Variants in EIF2B3 observed in about 807,000 individuals in gnomAD.
The protein encoded by EIF2B3 is eukaryotic translation initiation factor 2B subunit gamma.
Under a neutral mutation model 54.1 loss-of-function variants are expected in EIF2B3, and 20 were observed. The observed-to-expected ratio is 0.37, with a 90% CI of 0.26 to 0.54. The LOEUF (loss-of-function observed/expected upper bound fraction) is 0.54, where lower values mean the gene tolerates loss of function less well. EIF2B3 is among the 20% of genes least tolerant of loss of function. The probability of loss-of-function intolerance (pLI) is 0.86; values close to 1 mark genes in which losing one functional copy is unlikely to be tolerated. For synonymous variants in EIF2B3, 153 were observed against 188.1 expected, an observed-to-expected ratio of 0.81 and a Z score of 1.52; for missense variants, 448 against 547.8, an observed-to-expected ratio of 0.82 and a Z score of 1.82.
chr1:44,966,642 ACTCTT>A (rs2148957521), intron 3 of EIF2B3, among the ~76,000 whole-genome samples: 1 of 152,200 alleles, frequency 6.6e-6, no homozygotes, highest in African/African-American at 2.4e-5. Flanking sequence ...ATTCTGACTC[ACTCTT>A]CTCTTCTGAA....
At chr1:44,876,683 C>A (rs188710918) in intron 8 of EIF2B3, among the ~76,000 whole-genome samples, 3 of 119,760 alleles carry the variant, frequency 2.5e-5, no homozygotes, top group Non-Finnish European at 3.4e-5. Context: ...CCACGACCCC[C>A]TCTGGGAGGT....
intron 8 of EIF2B3, among the ~76,000 whole-genome samples, chr1:44,876,342 C>T (rs1156278557): frequency 2.1e-5 from 3 of 144,370 alleles, no homozygotes; most frequent in African/African-American, 5.3e-5. Context: ...ATGTGGGGAG[C>T]GCCTCTGCCC....
intron 5 of EIF2B3, among the ~76,000 whole-genome samples, chr1:44,912,219 T>C (rs1304874702): frequency 6.6e-6 from 1 of 152,204 alleles, no homozygotes; most frequent in Non-Finnish European, 1.5e-5. Flanking sequence ...CATCAGTGCT[T>C]GATGGATGCA....
intron 2 of EIF2B3, 132 bp downstream of exon 2, chr1:44,980,889 A>G: frequency 1.0e-5 from 11 of 1,088,448 alleles, no homozygotes; most frequent in Non-Finnish European, 1.4e-5. Context: ...GTACTCCTAC[A>G]TTCCTTAAAG....
At chr1:44,895,340 C>T (rs961757936) in intron 6 of EIF2B3, among the ~76,000 whole-genome samples, 1 of 152,026 alleles carries the variant, frequency 6.6e-6, no homozygotes, top group Non-Finnish European at 1.5e-5. Flanking sequence ...TGGTAGTGGC[C>T]AAATGAACTA....
At chr1:44,871,978 T>C (rs1253181353) in intron 10 of EIF2B3, among the ~76,000 whole-genome samples, 1 of 150,926 alleles carries the variant, frequency 6.6e-6, no homozygotes, top group Non-Finnish European at 1.5e-5. Context: ...CTGGGCTCAG[T>C]TGATCCTCCC....
chr1:44,956,966 T>C (rs1379531143), intron 3 of EIF2B3, among the ~76,000 whole-genome samples: 3 of 152,290 alleles, frequency 2.0e-5, no homozygotes, highest in Admixed American at 1.3e-4. Flanking sequence ...TTTGACTACA[T>C]AAATATAAAA....
At chr1:44,932,893 A>G (rs1643909985) in intron 4 of EIF2B3, among the ~76,000 whole-genome samples, 1 of 152,220 alleles carries the variant, frequency 6.6e-6, no homozygotes, top group African/African-American at 2.4e-5. Context: ...ACTTCTCACA[A>G]TCTGTACCTC....
rs140205629 is a variant in EIF2B3 at position 44,960,366 on chromosome 1, G to A, written c.294+17949C>T. 9.9e-3 allele frequency among the ~76,000 whole-genome samples: 1,507 copies of A among 152,190 alleles called. 25 individuals are homozygous for A. Among genetic ancestry groups the A allele is most frequent in the African/African-American group, 0.034 (1,426 of 41,538 alleles). The stretch of plus-strand genomic sequence containing the variant: ...TTTAAAAACCAATACTGGGCCGGGC[G>A]TGGTGGCTCACATCTGTAATCCCAG... On this transcript the variant is annotated intron_variant, in intron 3 of 11. Transcript: ENST00000360403.
chr1:44,897,334 C>A, intron 6 of EIF2B3, 21 bp downstream of exon 6: 1 of 1,582,904 alleles, frequency 6.3e-7, no homozygotes, highest in Non-Finnish European at 8.7e-7. Flanking sequence ...GTAGGTTTGA[C>A]TCTACCACCC....
chr1:44,875,151 C>T (rs1655080465), intron 9 of EIF2B3, among the ~76,000 whole-genome samples: 1 of 152,014 alleles, frequency 6.6e-6, no homozygotes, highest in Non-Finnish European at 1.5e-5. Flanking sequence ...CAGATTGTGC[C>T]ACTGCACTCC....
At chr1:44,872,591 A>G (rs560717546) in intron 10 of EIF2B3, among the ~76,000 whole-genome samples, 23 of 152,084 alleles carry the variant, frequency 1.5e-4, no homozygotes, top group African/African-American at 5.3e-4. Context: ...TTGAGGTTGT[A>G]GTGAGCTATG....
chr1:44,876,361 CGTCTG>C (rs1655146800), intron 8 of EIF2B3, among the ~76,000 whole-genome samples: 1 of 145,728 alleles, frequency 6.9e-6, no homozygotes, highest in Non-Finnish European at 1.5e-5. Flanking sequence ...CCCGCCGCCC[CGTCTG>C]GGATGTGAGG....
chr1:44,938,407 C>T (rs2148939520), intron 4 of EIF2B3, among the ~76,000 whole-genome samples: 1 of 152,064 alleles, frequency 6.6e-6, no homozygotes, highest in East Asian at 1.9e-4. Context: ...AGCTACTTGG[C>T]AGGCTGAGGT....
At chr1:44,981,292 T>C (rs1644510258) in intron 1 of EIF2B3, 115 bp from the exon 2 acceptor site, 1 of 1,074,682 alleles carries the variant, frequency 9.3e-7, no homozygotes. Flanking sequence ...GTCAAATGCA[T>C]AATTCCTAAC....
chr1:44,960,855 G>A (rs1644277954), intron 3 of EIF2B3, among the ~76,000 whole-genome samples: 1 of 152,108 alleles, frequency 6.6e-6, no homozygotes, highest in Non-Finnish European at 1.5e-5. Flanking sequence ...ACCAAAGGAC[G>A]ACTGTATTTT....
chr1:44,963,245 CAAAA>C (rs199647720), intron 3 of EIF2B3, among the ~76,000 whole-genome samples: 5 of 147,662 alleles, frequency 3.4e-5, no homozygotes, highest in Non-Finnish European at 6.0e-5. Context: ...AAAAACAAAA[CAAAA>C]AAAAACCCCA....
chr1:44,946,464 G>GCTTCATAATACCTTTTTTTTT (rs1557699171), intron 3 of EIF2B3, among the ~76,000 whole-genome samples: 7 of 95,192 alleles, frequency 7.4e-5, no homozygotes, highest in Admixed American at 6.5e-4. Context: ...TTGAGACAGG[G>GCTTCATAATACCTTTTTTTTT]TCTCAGTCTG....
chr1:44,891,240 C>G (rs566021966), intron 6 of EIF2B3, among the ~76,000 whole-genome samples: 7 of 152,132 alleles, frequency 4.6e-5, no homozygotes, highest in Non-Finnish European at 7.4e-5. Flanking sequence ...GCTGGGACTA[C>G]AGGCATGTGC....
Sources: gnomAD v4.1 joint callset for allele counts (sites outside exome capture counted in the v4.1 genomes callset) on GRCh38, gnomAD v4.1.1 for gene constraint, MANE v1.5 for transcripts, NCBI Gene and HGNC (gene_info 2026-07-23, HGNC 2026-07-21) for gene names.